Variants in FAM184A observed in about 807,000 individuals in gnomAD.
FAM184A encodes protein FAM184A.
A neutral mutation model predicts 143.8 loss-of-function variants in FAM184A; 99 were observed. The ratio of observed to expected loss-of-function variants is 0.69; its 90% CI spans 0.58 to 0.81. The LOEUF is 0.81. Ranked by LOEUF, FAM184A falls within the 40% of genes least tolerant of loss-of-function variation. The probability of loss-of-function intolerance (pLI) is 0.00; values close to 1 mark genes in which losing one functional copy is unlikely to be tolerated. For missense variants in FAM184A, 1,217 were observed against 1,310.5 expected, an observed-to-expected ratio of 0.93 and a Z score of 1.10; for synonymous variants, 427 against 446.4, an observed-to-expected ratio of 0.96 and a Z score of 0.55.
intron 1 of FAM184A, among the ~76,000 whole-genome samples, chr6:119,086,992 C>T (rs1184590065): frequency 1.3e-5 from 2 of 152,062 alleles, no homozygotes; most frequent in Non-Finnish European, 2.9e-5. Flanking sequence ...TCAAGTTTGC[C>T]TGATTTTTTC....
At chr6:118,961,333 A>G (rs527291325) in intron 17 of FAM184A, among the ~76,000 whole-genome samples, 3 of 150,450 alleles carry the variant, frequency 2.0e-5, no homozygotes, top group East Asian at 1.9e-4. Flanking sequence ...GCATATATAT[A>G]TATATATTTA....
At chr6:119,089,725 T>C (rs911275955) in intron 1 of FAM184A, among the ~76,000 whole-genome samples, 1 of 152,216 alleles carries the variant, frequency 6.6e-6, no homozygotes, top group Non-Finnish European at 1.5e-5. Flanking sequence ...AAAATAAGCC[T>C]AAATAAGGTG....
intron 1 of FAM184A, among the ~76,000 whole-genome samples, chr6:119,122,543 A>G (rs924512107): frequency 2.0e-5 from 3 of 152,164 alleles, no homozygotes; most frequent in Non-Finnish European, 4.4e-5. Flanking sequence ...CATATTCAAT[A>G]AGCTGTAAAA....
At chr6:119,129,910 G>T (rs888558305) in intron 1 of FAM184A, among the ~76,000 whole-genome samples, 19 of 152,134 alleles carry the variant, frequency 1.2e-4, no homozygotes, top group African/African-American at 4.6e-4. Flanking sequence ...TATTGTAAAG[G>T]TTGGTGGAAT....
chr6:119,094,631 T>C (rs1026667554), intron 1 of FAM184A, among the ~76,000 whole-genome samples: 4 of 152,180 alleles, frequency 2.6e-5, no homozygotes, highest in African/African-American at 7.2e-5. Context: ...ACACCAGATA[T>C]TACTGTCTTA....
Position 119,131,294 on chromosome 6 carries a change from G to T in FAM184A, c.-202+17784C>A, listed in dbSNP as rs552799621. Among the ~76,000 whole-genome samples the T allele has an allele frequency of 5.9e-5, 9 of 152,152 alleles. 1 individual carries two copies. The South Asian group carries it at 1.9e-3, about 32-fold the overall frequency. On this transcript the variant is annotated intron_variant, in intron 1 of 16. Coordinates refer to the FAM184A transcript ENST00000352896. Reference sequence around the variant, plus strand: ...ACATTTATCCTAAAATATTCTTCTGGATTAATTAAATAAAACAATAATTTA... The same window carrying T: ...ACATTTATCCTAAAATATTCTTCTGTATTAATTAAATAAAACAATAATTTA...
At chr6:119,082,516 G>T (rs1320677755), upstream of FAM184A, among the ~76,000 whole-genome samples, 5 of 152,252 alleles carry the variant, frequency 3.3e-5, no homozygotes, top group East Asian at 9.6e-4. Flanking sequence ...GGGGGTTCAG[G>T]CATTGGGTAA....
chr6:119,005,008 T>A (rs1784878393), intron 7 of FAM184A, among the ~76,000 whole-genome samples: 1 of 152,202 alleles, frequency 6.6e-6, no homozygotes, highest in African/African-American at 2.4e-5. Flanking sequence ...TTAGAAATAT[T>A]TCAACTGTCT....
intron 1 of FAM184A, among the ~76,000 whole-genome samples, chr6:119,065,731 G>GATTTCTCAAATCTCCTCCTCAGATTTGAT (rs1414074179): frequency 7.2e-5 from 11 of 152,144 alleles, no homozygotes; most frequent in African/African-American, 2.4e-4. Context: ...TCAGATCTGA[G>GATTTCTCAAATCTCCTCCTCAGATTTGAT]ATTTCTCAAA....
chr6:119,072,406 C>T (rs1442956070), intron 1 of FAM184A, among the ~76,000 whole-genome samples: 1 of 152,188 alleles, frequency 6.6e-6, no homozygotes, highest in African/African-American at 2.4e-5. Flanking sequence ...TAAGGTGAAA[C>T]ACAGCCAATT....
intron 1 of FAM184A, among the ~76,000 whole-genome samples, chr6:119,142,317 C>T (rs1295449518): frequency 6.6e-6 from 1 of 152,126 alleles, no homozygotes; most frequent in African/African-American, 2.4e-5. Context: ...CAAGATCATC[C>T]CAGGCGCACT....
chr6:118,972,415 G>A (rs1783723086), intron 14 of FAM184A, among the ~76,000 whole-genome samples: 1 of 152,114 alleles, frequency 6.6e-6, no homozygotes, highest in South Asian at 2.1e-4. Context: ...TAAATTTGGT[G>A]TGTGTTTGTT....
At chr6:119,014,223 C>T (rs1196478645) in intron 5 of FAM184A, among the ~76,000 whole-genome samples, 1 of 152,228 alleles carries the variant, frequency 6.6e-6, no homozygotes, top group African/African-American at 2.4e-5. Flanking sequence ...GTACTAATAA[C>T]TAATTTTTAT....
At chr6:119,076,346 G>A (rs1481040311) in intron 1 of FAM184A, among the ~76,000 whole-genome samples, 1 of 152,146 alleles carries the variant, frequency 6.6e-6, no homozygotes, top group Non-Finnish European at 1.5e-5. Flanking sequence ...GAGAGTCCAC[G>A]TAACACTCAG....
At chr6:119,041,838 A>T (rs1398917051) in intron 1 of FAM184A, among the ~76,000 whole-genome samples, 1 of 152,150 alleles carries the variant, frequency 6.6e-6, no homozygotes, top group Non-Finnish European at 1.5e-5. Flanking sequence ...AATCGAGCTG[A>T]ACACTAGTTG....
Position 118,988,917 on chromosome 6 carries a change from GA to G in FAM184A, c.2089-8568del, listed in dbSNP as rs200688660. ...TAAATTTATATTGCTAATTTAAATG[GA>G]AAAATTGCTTTAACATGGTTTTTAC... On this transcript the variant is annotated intron_variant, in intron 9 of 17. Transcript: ENST00000338891. Among the ~76,000 whole-genome samples, 916 of 149,108 alleles carry G rather than the reference GA, an allele frequency of 6.1e-3. 7 individuals carry two copies. Among genetic ancestry groups the G allele is most frequent in the African/African-American group, 0.021 (852 of 40,660 alleles).
chr6:119,039,649 G>A (rs191278258), intron 1 of FAM184A, among the ~76,000 whole-genome samples: 3 of 152,174 alleles, frequency 2.0e-5, no homozygotes, highest in Non-Finnish European at 4.4e-5. Flanking sequence ...CAGTGTTACA[G>A]GTATCATAGC....
At chr6:119,025,111 A>G (rs1785583542) in intron 1 of FAM184A, among the ~76,000 whole-genome samples, 1 of 152,222 alleles carries the variant, frequency 6.6e-6, no homozygotes, top group African/African-American at 2.4e-5. Context: ...GGAAATGGAC[A>G]AAGGAGGCAA....
chr6:119,147,072 T>C (rs564174803), intron 1 of FAM184A, among the ~76,000 whole-genome samples: 9 of 118,170 alleles, frequency 7.6e-5, no homozygotes, highest in Non-Finnish European at 9.3e-5. Flanking sequence ...CTGTTTTTTT[T>C]TTTTTTGTTT....
Sources: allele counts gnomAD v4.1 joint callset (sites outside exome capture counted in the v4.1 genomes callset), GRCh38; gene constraint gnomAD v4.1.1; transcripts MANE v1.5; gene names NCBI Gene and HGNC (gene_info 2026-07-23, HGNC 2026-07-21).